Variants in ANK1 observed in about 807,000 individuals in gnomAD.
ANK1 encodes the protein ankyrin-1.
A neutral mutation model predicts 210.4 loss-of-function variants in ANK1; 51 were observed. The observed-to-expected ratio is 0.24, with a 90% CI of 0.19 to 0.31. ANK1 has a LOEUF of 0.31. Among genes scored for constraint, ANK1 ranks in the 10% least tolerant of loss-of-function variants. ANK1 has a pLI of 1.00. For synonymous variants in ANK1, 967 were observed against 1,025.9 expected (o/e 0.94, Z 1.10); for missense variants, 2,051 against 2,504.4 (o/e 0.82, Z 3.86).
intron 39 of ANK1, chr8:41,665,815 A>T (rs1810337953): frequency 6.4e-6 from 1 of 155,654 alleles, no homozygotes; most frequent in Non-Finnish European, 1.4e-5. Flanking sequence ...TTTATGGGGT[A>T]CAGCCTCCCA....
chr8:41,848,487 G>A (rs1810521945), intron 1 of ANK1, among the ~76,000 whole-genome samples: 1 of 152,198 alleles, frequency 6.6e-6, no homozygotes, highest in Non-Finnish European at 1.5e-5. Flanking sequence ...GGGAGACCAG[G>A]CCCAGGACTG....
At chr8:41,844,753 G>T (rs1314726386) in intron 1 of ANK1, among the ~76,000 whole-genome samples, 1 of 152,214 alleles carries the variant, frequency 6.6e-6, no homozygotes, top group African/African-American at 2.4e-5. Context: ...GCTTATCAAT[G>T]TAAGCTGTTT....
chr8:41,678,872 C>T (rs1461774144), intron 37 of ANK1, among the ~76,000 whole-genome samples: 3 of 152,218 alleles, frequency 2.0e-5, no homozygotes, highest in African/African-American at 7.2e-5. Flanking sequence ...CCACCTCCGC[C>T]TCCTGAGTTC....
intron 1 of ANK1, among the ~76,000 whole-genome samples, chr8:41,879,020 C>T (rs527624513): frequency 7.2e-5 from 11 of 152,038 alleles, no homozygotes; most frequent in South Asian, 4.2e-4. Context: ...GCCGAGATTG[C>T]GCCACTGCAC....
chr8:41,773,741 A>G (rs978267452), intron 1 of ANK1, among the ~76,000 whole-genome samples: 3 of 151,904 alleles, frequency 2.0e-5, no homozygotes, highest in African/African-American at 7.3e-5. Context: ...TCCTGCATGC[A>G]CTGCAGAGCC....
intron 9 of ANK1, among the ~76,000 whole-genome samples, chr8:41,722,667 C>T (rs571475204): frequency 6.6e-6 from 1 of 152,340 alleles, no homozygotes; most frequent in South Asian, 2.1e-4. Context: ...TCTCAGAGTA[C>T]TTAGTGCCTG....
At chr8:41,792,909 G>C (rs1382422274) in intron 1 of ANK1, among the ~76,000 whole-genome samples, 1 of 152,226 alleles carries the variant, frequency 6.6e-6, no homozygotes, top group Non-Finnish European at 1.5e-5. Context: ...AACATTTAAT[G>C]AGCATCTACC....
intron 1 of ANK1, among the ~76,000 whole-genome samples, chr8:41,889,308 A>T (rs1818993131): frequency 6.6e-6 from 1 of 152,206 alleles, no homozygotes; most frequent in Admixed American, 6.5e-5. Context: ...GGGGTTATCA[A>T]CCTATTGGGC....
intron 1 of ANK1, among the ~76,000 whole-genome samples, chr8:41,880,090 G>C (rs1817316042): frequency 6.6e-6 from 1 of 152,186 alleles, no homozygotes; most frequent in African/African-American, 2.4e-5. Flanking sequence ...CACGGGAGCT[G>C]AGAATGATTT....
intron 1 of ANK1, among the ~76,000 whole-genome samples, chr8:41,881,548 G>T (rs113456206): frequency 6.6e-6 from 1 of 152,178 alleles, no homozygotes; most frequent in Non-Finnish European, 1.5e-5. Flanking sequence ...AAGGGAACTG[G>T]TATATAACAT....
intron 1 of ANK1, among the ~76,000 whole-genome samples, chr8:41,809,217 A>G (rs1282792076): frequency 6.6e-6 from 1 of 152,194 alleles, no homozygotes; most frequent in African/African-American, 2.4e-5. Context: ...CACCTTACAC[A>G]TGCTGGCTTA....
intron 1 of ANK1, among the ~76,000 whole-genome samples, chr8:41,867,577 G>A (rs2150822757): frequency 6.6e-6 from 1 of 152,230 alleles, no homozygotes; most frequent in South Asian, 2.1e-4. Context: ...CTTTTCCCAT[G>A]CCATTCCCTC....
At position 41,765,260 on chromosome 8, in the gene ANK1, CAG is replaced by C. The variant is rs774005235; in HGVS notation, c.28-7125_28-7124del. Among the ~76,000 whole-genome samples the C allele has an allele frequency of 6.0e-5, 9 of 150,776 alleles. No homozygotes were observed. The East Asian group carries it at 1.2e-3, about 20-fold the overall frequency. ...TCTTCTCCATTTCTTTCTTTCAAGA[CAG>C]AGTCTCCCTCTTTCTTCCAGAGTGG... On this transcript the variant is annotated intron_variant, in intron 1 of 42. Coordinates refer to ENST00000289734, the MANE Select transcript of ANK1 (RefSeq NM_000037.4).
At chr8:41,702,001 T>A in intron 21 of ANK1, 51 bp downstream of exon 21, 1 of 1,561,134 alleles carries the variant, frequency 6.4e-7, no homozygotes, top group Non-Finnish European at 8.8e-7. Flanking sequence ...GGCACGCCTG[T>A]GCGCCAGGCT....
intron 2 of ANK1, among the ~76,000 whole-genome samples, chr8:41,739,518 T>C (rs1267825648): frequency 1.0e-5 from 1 of 95,788 alleles, no homozygotes; most frequent in Non-Finnish European, 2.0e-5. Context: ...TGTTTTTTTC[T>C]TTCTTTTTTT....
rs771678618 is a variant in ANK1 at position 41,661,943 on chromosome 8, TAGGAAAGGAAGGGAAGG to T, written c.5479-19_5479-3del. On this transcript the variant is annotated splice_region_variant and splice_polypyrimidine_tract_variant and intron_variant, in intron 40 of 42. Transcript: ENST00000289734. Reference sequence around the variant, plus strand: ...CTGTCGAACCACCTTGCGAATGATCTAGGAAAGGAAGGGAAGGAGGAAAGGGCTGGTCAGGCCGGGCT... The same window carrying T: ...CTGTCGAACCACCTTGCGAATGATCTAGGAAAGGGCTGGTCAGGCCGGGCT... The T allele has an allele frequency of 1.9e-6, 3 of 1,613,492 alleles. No individual in the cohort carries two copies. In the African/African-American group the frequency reaches 4.0e-5, roughly 22 times the overall value.
intron 3 of ANK1, among the ~76,000 whole-genome samples, chr8:41,728,415 G>A (rs1233511609): frequency 6.6e-6 from 1 of 152,204 alleles, no homozygotes; most frequent in Non-Finnish European, 1.5e-5. Context: ...TGAAGACTCA[G>A]AGGGTGGGAG....
intron 1 of ANK1, among the ~76,000 whole-genome samples, chr8:41,862,163 A>G (rs1419375678): frequency 6.6e-6 from 1 of 152,220 alleles, no homozygotes; most frequent in East Asian, 1.9e-4. Context: ...TTTCTGCTTG[A>G]GGCATAACAG....
At chr8:41,835,867 G>A (rs889296505) in intron 1 of ANK1, among the ~76,000 whole-genome samples, 5 of 152,202 alleles carry the variant, frequency 3.3e-5, no homozygotes, top group East Asian at 1.9e-4. Flanking sequence ...ACATTGTCAC[G>A]GAGAAGCCTG....
Sources: allele counts gnomAD v4.1 joint callset (sites outside exome capture counted in the v4.1 genomes callset), GRCh38; gene constraint gnomAD v4.1.1; transcripts MANE v1.5; gene names NCBI Gene and HGNC (gene_info 2026-07-23, HGNC 2026-07-21).